PRDM13: variants seen among roughly 807,000 people sequenced by gnomAD.
The protein encoded by PRDM13 is PR domain zinc finger protein 13.
A neutral mutation model predicts 36.4 loss-of-function variants in PRDM13; 15 were observed. The observed-to-expected ratio is 0.41, with a 90% CI of 0.28 to 0.64. The LOEUF is 0.64. Ranked by LOEUF, PRDM13 falls within the 30% of genes least tolerant of loss-of-function variation. The pLI is 0.29. For missense variants in PRDM13, 1,044 were observed against 1,013.5 expected (o/e 1.03, Z -0.41); for synonymous variants, 531 against 467.7 (o/e 1.14, Z -1.75).
Position 99,613,771 on chromosome 6 carries a change from G to GCCTGC in PRDM13, c.1142_1146dup (p.Ser383ProfsTer110). 3 of 1,494,324 alleles carry GCCTGC rather than the reference G, an allele frequency of 2.0e-6. No individual in the cohort carries two copies. The highest frequency in any genetic ancestry group is 2.7e-6 in the Non-Finnish European group (3 of 1,129,204). 92.6% of individuals were successfully genotyped at this position (1,494,324 alleles called of 1,614,324 possible). A position where few individuals can be genotyped will look rare whatever the true frequency, so the allele number is the denominator to read the frequency against. ...GACCCGCCGCCGCCGCCGCCGCCTGGCCTGCCCTGCTCTGGGGCCCTGCGC... is the reference window on the plus strand; with the variant it reads ...GACCCGCCGCCGCCGCCGCCGCCTGGCCTGCCCTGCCCTGCTCTGGGGCCCTGCGC... On this transcript the variant is annotated frameshift_variant, in exon 4 of 4. Transcript: ENST00000369215. LOFTEE classifies it high-confidence loss of function. The surrounding 1 kb of genome is among the most constrained non-coding windows in gnomAD (Gnocchi z 6.1).
chr6:99,612,595 T>G (rs1770047512), intron 3 of PRDM13, among the ~76,000 whole-genome samples: 1 of 152,230 alleles, frequency 6.6e-6, no homozygotes, highest in Admixed American at 6.5e-5. Flanking sequence ...ACCATTAGAT[T>G]GGTCTTTGTT....
In PRDM13 at chr6:99,614,925, T is replaced by A; in HGVS notation, c.*166T>A. Reference sequence around the variant, plus strand: ...CAGTGAGAGGTCCCACATCTGGTGCTGAAACTCAGAGCAACAGTTCAGAGG... The same window carrying A: ...CAGTGAGAGGTCCCACATCTGGTGCAGAAACTCAGAGCAACAGTTCAGAGG... On this transcript the variant is annotated 3_prime_UTR_variant, in exon 4 of 4. Coordinates refer to ENST00000369215, the MANE Select transcript of PRDM13 (RefSeq NM_021620.4). 1.1e-6 allele frequency: 1 copy of A among 947,690 alleles called. No homozygotes were observed. The highest frequency in any genetic ancestry group is 1.5e-6 in the Non-Finnish European group (1 of 657,664). 58.7% of individuals were successfully genotyped at this position (947,690 alleles called of 1,614,324 possible).
At position 99,607,185 on chromosome 6, in the gene PRDM13, A is replaced by G. The variant is rs199677092; in HGVS notation, c.144+7A>G. 5.0e-6 allele frequency: 8 copies of G among 1,612,988 alleles called. No individual in the cohort carries two copies. In the East Asian group the frequency reaches 6.7e-5, roughly 13 times the overall value. ...GCCCGGGCCTAAGAAAAAGGTATTG[A>G]CCATTCAGACCTCTGCCCACTGCCA... is the stretch of plus-strand genomic sequence containing the variant. On this transcript the variant is annotated splice_region_variant and intron_variant, in intron 1 of 3. Coordinates refer to ENST00000369215, the MANE Select transcript of PRDM13 (RefSeq NM_021620.4).
chr6:99,610,415 C>T (rs986878685), intron 3 of PRDM13, among the ~76,000 whole-genome samples: 2 of 152,142 alleles, frequency 1.3e-5, no homozygotes, highest in East Asian at 3.8e-4. Flanking sequence ...ACACATTTAA[C>T]ATCAAAATAA....
chr6:99,613,292 G>A lies in PRDM13; in HGVS notation c.657G>A (p.Gln219=), dbSNP rs35145162. 1 of 1,581,266 alleles carries A rather than the reference G, an allele frequency of 6.3e-7. No individual in the cohort carries two copies. The highest frequency in any genetic ancestry group is 1.8e-5 in the Admixed American group (1 of 56,200). ...ACCCCCTGGGCCCGCCACCAGTTCA[G>A]GCCTGCGGTGCGCGGGAGGGCATCA... ...RPHPLGPPPV[Q]ACGAREGIKR... The change falls in exon 4 of 4, where the codon CAG becomes CAA. Residue 219 remains glutamine (Q), a synonymous_variant. Coordinates refer to ENST00000369215, the MANE Select transcript of PRDM13 (RefSeq NM_021620.4). This position sits in a 1 kb window ranked among gnomAD's most constrained non-coding sequence, Gnocchi z 6.1.
Position 99,612,984 on chromosome 6 carries a change from TC to T in PRDM13, c.398-48del, listed in dbSNP as rs767070693. The T allele has an allele frequency of 5.0e-6, 8 of 1,602,562 alleles. No homozygotes were observed. In the South Asian group the frequency reaches 8.9e-5, roughly 18 times the overall value. Reference sequence around the variant, plus strand: ...GGTGCACTGGCGCTTTCTTTATGTCTCGCTTGTTCGCCTCTCACCGGGTCGC... The same window carrying T: ...GGTGCACTGGCGCTTTCTTTATGTCTGCTTGTTCGCCTCTCACCGGGTCGC... On this transcript the variant is annotated intron_variant, in intron 3 of 3. Transcript: ENST00000369215.
chr6:99,608,791 G>A lies in PRDM13; in HGVS notation c.195G>A (p.Leu65=). The change falls in exon 2 of 4, where the codon CTG becomes CTA. Residue 65 remains leucine, a synonymous_variant. Coordinates refer to ENST00000369215, the MANE Select transcript of PRDM13 (RefSeq NM_021620.4). Reference sequence around the variant, plus strand: ...TGGACGAGTCGGGGGGCTCCCCTCTGGAGTGGATAGGGTTAATCCGGGCAG... The same window carrying A: ...TGGACGAGTCGGGGGGCTCCCCTCTAGAGTGGATAGGGTTAATCCGGGCAG... ...ELVDESGGSP[L]EWIGLIRAAR... is the part of the protein sequence containing the mutation. 2 of 1,613,554 alleles carry A rather than the reference G, an allele frequency of 1.2e-6. No individual in the cohort carries two copies. Among genetic ancestry groups the A allele is most frequent in the South Asian group, 2.2e-5 (2 of 90,998 alleles).
At position 99,613,697 on chromosome 6, in the gene PRDM13, T is replaced by TCACCACCACGCG; in HGVS notation, c.1072_1083dup (p.Ala358_His361dup). On this transcript the variant is annotated inframe_insertion, in exon 4 of 4. Transcript: ENST00000369215. The surrounding 1 kb of genome is among the most constrained non-coding windows in gnomAD (Gnocchi z 6.1). Reference sequence around the variant, plus strand: ...CGGCGGGCGGCGCGGGTCACCACCATCACCACCACGCGCACCACCACCACC... The same window carrying TCACCACCACGCG: ...CGGCGGGCGGCGCGGGTCACCACCATCACCACCACGCGCACCACCACGCGCACCACCACCACC... 5 of 1,430,444 alleles carry TCACCACCACGCG rather than the reference T, an allele frequency of 3.5e-6. No homozygotes were observed. Among genetic ancestry groups the TCACCACCACGCG allele is most frequent in the Non-Finnish European group, 4.6e-6 (5 of 1,096,558 alleles). The allele number at this position is 1,430,444 out of a possible 1,614,324, so 88.6% of individuals were successfully genotyped here. A position where few individuals can be genotyped will look rare whatever the true frequency, so the allele number is the denominator to read the frequency against.
chr6:99,613,832 G>A lies in PRDM13; in HGVS notation c.1197G>A (p.Ala399=). The part of the protein sequence containing the change: ...FPLLSVPPEE[A]SAFKHVERAP... ...TGCTCTCCGTCCCCCCGGAAGAGGC[G>A]TCCGCCTTCAAGCACGTGGAGCGCG... Residue 399 remains alanine, a synonymous_variant, in exon 4 of 4, where the codon GCG becomes GCA. Transcript: ENST00000369215. This position sits in a 1 kb window ranked among gnomAD's most constrained non-coding sequence, Gnocchi z 6.1. 6.6e-7 allele frequency: 1 copy of A among 1,510,932 alleles called. No individual in the cohort carries two copies. Among genetic ancestry groups the A allele is most frequent in the South Asian group, 1.2e-5 (1 of 81,368 alleles). The allele number at this position is 1,510,932 out of a possible 1,614,324, so 93.6% of individuals were successfully genotyped here.
intron 2 of PRDM13, 128 bp from the exon 3 acceptor site, chr6:99,609,059 C>A: frequency 1.4e-6 from 2 of 1,399,980 alleles, no homozygotes; most frequent in Non-Finnish European, 1.9e-6. Flanking sequence ...AAGTGAGGTT[C>A]AGAGAGCTCC....
chr6:99,613,491 G>A lies in PRDM13; in HGVS notation c.856G>A (p.Ala286Thr), dbSNP rs1770067815. Reference sequence around the variant, plus strand: ...CTCCTCGGCGGGGGTCGGCAGCCTGGCTTTCTACCCCGGCGTGCGCTCAGC... The same window carrying A: ...CTCCTCGGCGGGGGTCGGCAGCCTGACTTTCTACCCCGGCGTGCGCTCAGC... ...GGSSAGVGSL[A>T]FYPGVRSAFK... is the part of the protein sequence containing the mutation. The change falls in exon 4 of 4, where the codon GCT (alanine) becomes ACT (threonine). Residue 286 changes from alanine (A) to threonine (T), a missense_variant. Transcript: ENST00000369215. The surrounding 1 kb of genome is among the most constrained non-coding windows in gnomAD (Gnocchi z 6.1). 4 of 1,528,584 alleles carry A rather than the reference G, an allele frequency of 2.6e-6. No individual in the cohort carries two copies. The highest frequency in any genetic ancestry group is 3.5e-6 in the Non-Finnish European group (4 of 1,146,466). 94.7% of individuals were successfully genotyped at this position (1,528,584 alleles called of 1,614,324 possible). A position where few individuals can be genotyped will look rare whatever the true frequency, so the allele number is the denominator to read the frequency against.
At chr6:99,609,387 G>C (rs1385902129) in intron 3 of PRDM13, 80 bp downstream of exon 3, 5 of 1,524,222 alleles carry the variant, frequency 3.3e-6, no homozygotes, top group East Asian at 2.3e-5. Context: ...GACATAGCTC[G>C]ATCTATGTAA....
chr6:99,607,314 C>G, intron 1 of PRDM13, 136 bp downstream of exon 1: 2 of 1,289,404 alleles, frequency 1.6e-6, no homozygotes, highest in Non-Finnish European at 2.1e-6. Context: ...AAGGGGACTC[C>G]TATTATTCTG....
In PRDM13 at chr6:99,608,761, G is replaced by A; in HGVS notation, c.165G>A (p.Glu55=). The change falls in exon 2 of 4, where the codon GAG becomes GAA. Residue 55 remains glutamate (E), a synonymous_variant. Transcript: ENST00000369215. ...TGCAGGTGCGCATGGTGAGAGGGGA[G>A]CTGGTGGACGAGTCGGGGGGCTCCC... is the stretch of plus-strand genomic sequence containing the variant. ...PKKKVRMVRG[E]LVDESGGSPL... is the part of the protein sequence containing the mutation. The A allele has an allele frequency of 1.2e-6, 2 of 1,610,750 alleles. No individual in the cohort carries two copies. Among genetic ancestry groups the A allele is most frequent in the Non-Finnish European group, 1.7e-6 (2 of 1,178,250 alleles).
chr6:99,607,909 C>CG (rs1338976368), intron 1 of PRDM13, among the ~76,000 whole-genome samples: 1 of 152,234 alleles, frequency 6.6e-6, no homozygotes, highest in Non-Finnish European at 1.5e-5. Context: ...CACACACCGT[C>CG]GCGACCCCTG....
chr6:99,609,867 C>G (rs149474935), intron 3 of PRDM13, among the ~76,000 whole-genome samples: 4 of 151,492 alleles, frequency 2.6e-5, no homozygotes, highest in South Asian at 2.1e-4. Flanking sequence ...GCCTGGGTGA[C>G]AAGTGAGACC....
chr6:99,608,590 G>C, intron 1 of PRDM13, 151 bp from the exon 2 acceptor site: 1 of 1,036,356 alleles, frequency 9.6e-7, no homozygotes, highest in Non-Finnish European at 1.3e-6. Flanking sequence ...AAGGTCCTAA[G>C]GAATTCTCCT....
intron 3 of PRDM13, among the ~76,000 whole-genome samples, chr6:99,610,380 C>T (rs1307249542): frequency 6.6e-6 from 1 of 152,160 alleles, no homozygotes; most frequent in Non-Finnish European, 1.5e-5. Context: ...TTTTCTTTGA[C>T]AATTGTCTGT....
In PRDM13 at chr6:99,614,300, C is replaced by T. The variant is rs778143612; in HGVS notation, c.1665C>T (p.Gly555=). The T allele has an allele frequency of 6.2e-7, 1 of 1,604,754 alleles. No individual in the cohort carries two copies. Among genetic ancestry groups the T allele is most frequent in the African/African-American group, 1.3e-5 (1 of 74,850 alleles). The change falls in exon 4 of 4, where the codon GGC becomes GGT. Residue 555 remains glycine (G), a synonymous_variant. Coordinates refer to ENST00000369215, the MANE Select transcript of PRDM13 (RefSeq NM_021620.4). Reference sequence around the variant, plus strand: ...CACCGGCCGTCGCGGCGGCGGGAGGCACCGGGGGCGGCGGCAGCGGAGGCA... The same window carrying T: ...CACCGGCCGTCGCGGCGGCGGGAGGTACCGGGGGCGGCGGCAGCGGAGGCA... ...TLPPAVAAAG[G]TGGGGSGGSG...
Sources: gnomAD v4.1 joint callset for allele counts (sites outside exome capture counted in the v4.1 genomes callset) on GRCh38, gnomAD v4.1.1 for gene constraint, Gnocchi (gnomAD v3.1) non-coding constraint, MANE v1.5 for transcripts, NCBI Gene and HGNC (gene_info 2026-07-23, HGNC 2026-07-21) for gene names.